The following MDGA2 variants were observed in gnomAD, a reference collection of about 807,000 sequenced individuals.
MDGA2 encodes the protein MAM domain-containing glycosylphosphatidylinositol anchor protein 2.
MDGA2 carries 40 observed loss-of-function variants against 117.8 expected under a neutral mutation model. The ratio of observed to expected loss-of-function variants is 0.34; its 90% CI spans 0.26 to 0.44. The LOEUF is 0.44. Among genes scored for constraint, MDGA2 ranks in the 20% least tolerant of loss-of-function variants. The pLI is 1.00. For missense variants in MDGA2, 1,123 were observed against 1,250.6 expected (o/e 0.90, Z 1.54); for synonymous variants, 452 against 439.0 (o/e 1.03, Z -0.37).
At chr14:47,049,049 T>C (rs1481793681) in intron 7 of MDGA2, among the ~76,000 whole-genome samples, 1 of 152,108 alleles carries the variant, frequency 6.6e-6, no homozygotes, top group African/African-American at 2.4e-5. Context: ...TGCATTTTAT[T>C]CCCAAGAAAG....
Position 47,034,945 on chromosome 14 carries a change from G to C in MDGA2, c.1819+66C>G. ...TTACAAAAATCACCTCATATTAATA[G>C]TAGAATAATGGTAACACTTCTTCCC... On this transcript the variant is annotated intron_variant, in intron 8 of 16. Transcript: ENST00000399232. 9.9e-6 allele frequency: 14 copies of C among 1,412,540 alleles called. No individual in the cohort carries two copies. The South Asian group carries it at 1.8e-4, about 18-fold the overall frequency. 87.5% of individuals were successfully genotyped at this position (1,412,540 alleles called of 1,614,324 possible). A position where few individuals can be genotyped will look rare whatever the true frequency, so the allele number is the denominator to read the frequency against.
intron 1 of MDGA2, among the ~76,000 whole-genome samples, chr14:47,597,528 A>G (rs1269474742): frequency 1.3e-5 from 2 of 152,146 alleles, no homozygotes; most frequent in Admixed American, 1.3e-4. Flanking sequence ...TAAGTCTTTT[A>G]ACTTTGTATT....
chr14:47,573,708 C>G (rs1425661155), intron 1 of MDGA2, among the ~76,000 whole-genome samples: 1 of 152,152 alleles, frequency 6.6e-6, no homozygotes, highest in Non-Finnish European at 1.5e-5. Context: ...GCTCCAGCTG[C>G]TTAAACACAG....
chr14:47,185,979 C>A (rs1446148166), intron 3 of MDGA2, among the ~76,000 whole-genome samples: 1 of 151,490 alleles, frequency 6.6e-6, no homozygotes, highest in Non-Finnish European at 1.5e-5. Flanking sequence ...TTGCTATATG[C>A]AAGCTTAATA....
At chr14:47,152,387 T>C (rs570261528) in intron 3 of MDGA2, among the ~76,000 whole-genome samples, 1 of 152,266 alleles carries the variant, frequency 6.6e-6, no homozygotes, top group Non-Finnish European at 1.5e-5. Flanking sequence ...ATGCTATGCC[T>C]AATATTTATT....
chr14:47,397,494 CA>C (rs946484472), intron 1 of MDGA2, among the ~76,000 whole-genome samples: 8 of 149,174 alleles, frequency 5.4e-5, no homozygotes, highest in South Asian at 4.3e-4. Context: ...AAAAGATGAC[CA>C]AAAAAAAACC....
chr14:47,599,705 A>G (rs1216607603), intron 1 of MDGA2, among the ~76,000 whole-genome samples: 1 of 152,152 alleles, frequency 6.6e-6, no homozygotes, highest in Non-Finnish European at 1.5e-5. Flanking sequence ...CCTTTCACAG[A>G]TAAATAAGGA....
At chr14:47,382,786 G>A (rs1891666174) in intron 1 of MDGA2, among the ~76,000 whole-genome samples, 1 of 152,206 alleles carries the variant, frequency 6.6e-6, no homozygotes, top group African/African-American at 2.4e-5. Flanking sequence ...CATTGTAGAA[G>A]ACAGTGTGGC....
At position 47,609,900 on chromosome 14, in the gene MDGA2, A is replaced by G. The variant is rs549115467; in HGVS notation, c.280+64617T>C. Reference sequence around the variant, plus strand: ...GCATCACCCTAATGCTAAAACCAGGAAAGGATACAACCAAAAAAGAAAACT... The same window carrying G: ...GCATCACCCTAATGCTAAAACCAGGGAAGGATACAACCAAAAAAGAAAACT... On this transcript the variant is annotated intron_variant, in intron 1 of 16. Transcript: ENST00000399232. 5.3e-5 allele frequency among the ~76,000 whole-genome samples: 8 copies of G among 152,190 alleles called. No individual in the cohort carries two copies. In the East Asian group the frequency reaches 1.4e-3, roughly 26 times the overall value.
intron 1 of MDGA2, among the ~76,000 whole-genome samples, chr14:47,464,870 CAAACAAAACA>C (rs572464318): frequency 8.6e-5 from 13 of 151,924 alleles, no homozygotes. Context: ...CAATCCTAAG[CAAACAAAACA>C]AAACAAAACA....
intron 2 of MDGA2, among the ~76,000 whole-genome samples, chr14:47,293,873 A>G (rs1008683768): frequency 2.0e-5 from 3 of 152,162 alleles, no homozygotes; most frequent in African/African-American, 7.2e-5. Context: ...ATTTAGGAGT[A>G]TGTTAAAGTG....
chr14:47,350,216 A>T (rs138000616), intron 1 of MDGA2, among the ~76,000 whole-genome samples: 49 of 152,306 alleles, frequency 3.2e-4, no homozygotes, highest in Non-Finnish European at 6.3e-4. Flanking sequence ...CATGATCTGC[A>T]ACTGTATTGT....
At chr14:47,154,034 C>T (rs567656394) in intron 3 of MDGA2, among the ~76,000 whole-genome samples, 3 of 152,206 alleles carry the variant, frequency 2.0e-5, no homozygotes, top group South Asian at 2.1e-4. Flanking sequence ...TTTCAAGAAA[C>T]TTGGCTCTAA....
At chr14:47,438,604 A>G (rs143732368) in intron 1 of MDGA2, among the ~76,000 whole-genome samples, 2 of 152,148 alleles carry the variant, frequency 1.3e-5, no homozygotes, top group Admixed American at 1.3e-4. Flanking sequence ...AAGAGACAGG[A>G]GCCAGAAATA....
chr14:47,543,670 T>TGCA lies in MDGA2; in HGVS notation c.280+130844_280+130846dup, dbSNP rs1369485505. 5.3e-5 allele frequency among the ~76,000 whole-genome samples: 8 copies of TGCA among 152,366 alleles called. No individual in the cohort carries two copies. In the South Asian group the frequency reaches 1.7e-3, roughly 32 times the overall value. On this transcript the variant is annotated intron_variant, in intron 1 of 16. Coordinates refer to ENST00000399232, the MANE Select transcript of MDGA2 (RefSeq NM_001113498.3). ...TTCAAAAATATCTTGTGTTCACTCA[T>TGCA]GCACCCTGCTAGAGGTATAGTCATA...
intron 5 of MDGA2, among the ~76,000 whole-genome samples, chr14:47,104,731 G>A (rs1313686577): frequency 6.6e-6 from 1 of 152,128 alleles, no homozygotes; most frequent in Admixed American, 6.5e-5. Flanking sequence ...TCAATCCCCT[G>A]TCCTCCTGCT....
intron 1 of MDGA2, among the ~76,000 whole-genome samples, chr14:47,325,394 G>C (rs1292722033): frequency 6.6e-6 from 1 of 152,124 alleles, no homozygotes; most frequent in East Asian, 1.9e-4. Flanking sequence ...TTTGACTATT[G>C]ATTGTCAGAA....
At chr14:47,307,492 C>G (rs1287250350) in intron 1 of MDGA2, among the ~76,000 whole-genome samples, 2 of 152,076 alleles carry the variant, frequency 1.3e-5, no homozygotes, top group African/African-American at 4.8e-5. Flanking sequence ...ACCAGCCTGG[C>G]TAACATGGTG....
At chr14:47,442,371 G>A (rs530022789) in intron 1 of MDGA2, among the ~76,000 whole-genome samples, 39 of 152,192 alleles carry the variant, frequency 2.6e-4, no homozygotes, top group African/African-American at 8.9e-4. Flanking sequence ...ACAGTTGTCT[G>A]TAGGCTCAGT....
Sources: allele counts gnomAD v4.1 joint callset (sites outside exome capture counted in the v4.1 genomes callset), GRCh38; gene constraint gnomAD v4.1.1; transcripts MANE v1.5; gene names NCBI Gene and HGNC (gene_info 2026-07-23, HGNC 2026-07-21).